Variants in CTIF observed in about 807,000 individuals in gnomAD.
CTIF encodes CBP80/20-dependent translation initiation factor.
In CTIF, 21 loss-of-function variants were observed where a neutral mutation model predicts 66.0. The observed-to-expected ratio is 0.32, with a 90% CI of 0.23 to 0.46. The LOEUF (loss-of-function observed/expected upper bound fraction) is 0.46, where lower values mean the gene tolerates loss of function less well. Ranked by LOEUF, CTIF falls within the 20% of genes least tolerant of loss-of-function variation. CTIF has a pLI of 1.00. For missense variants in CTIF, 739 were observed against 812.7 expected (o/e 0.91, Z 1.10); for synonymous variants, 345 against 326.4 (o/e 1.06, Z -0.62).
intron 9 of CTIF, among the ~76,000 whole-genome samples, chr18:48,772,412 C>A (rs1416942096): frequency 6.6e-6 from 1 of 150,574 alleles, no homozygotes; most frequent in Non-Finnish European, 1.5e-5. Flanking sequence ...TGCCCATGAC[C>A]ATCCCCCGGC....
rs530660392 is a variant in CTIF, at chr18:48,778,489, G to C, written c.1371+16800G>C. Among the ~76,000 whole-genome samples, 20 of 152,294 alleles carry C rather than the reference G, an allele frequency of 1.3e-4. No individual in the cohort carries two copies. In the East Asian group the frequency reaches 3.7e-3, roughly 28 times the overall value. Reference sequence around the variant, plus strand: ...GGTCCCTGGTCTATCTTCATCGATGGGACTCTCATCCGGGGTTTGTACCAG... The same window carrying C: ...GGTCCCTGGTCTATCTTCATCGATGCGACTCTCATCCGGGGTTTGTACCAG... On this transcript the variant is annotated intron_variant, in intron 9 of 11. Coordinates refer to ENST00000256413, the MANE Select transcript of CTIF (RefSeq NM_014772.3).
intron 2 of CTIF, among the ~76,000 whole-genome samples, chr18:48,632,662 G>A (rs1455482108): frequency 6.6e-6 from 1 of 152,110 alleles, no homozygotes; most frequent in Non-Finnish European, 1.5e-5. Context: ...GCCCTAAGCT[G>A]GCCACGTTCT....
At chr18:48,591,779 G>A (rs889700141) in intron 1 of CTIF, among the ~76,000 whole-genome samples, 3 of 152,054 alleles carry the variant, frequency 2.0e-5, no homozygotes, top group East Asian at 1.9e-4. Context: ...ACAGGGTCTC[G>A]CTCTGTGGCC....
At chr18:48,650,498 TTTGA>T (rs921039440) in intron 3 of CTIF, among the ~76,000 whole-genome samples, 53 of 152,184 alleles carry the variant, frequency 3.5e-4, no homozygotes, top group African/African-American at 1.3e-3. Context: ...CAAATCTATG[TTTGA>T]TTGGTGTACC....
intron 6 of CTIF, among the ~76,000 whole-genome samples, chr18:48,686,414 G>C (rs1052101330): frequency 4.6e-5 from 7 of 152,116 alleles, no homozygotes; most frequent in African/African-American, 1.7e-4. Flanking sequence ...GGCTTATCTG[G>C]TATTTTCTCT....
chr18:48,730,603 CTG>C lies in CTIF; in HGVS notation c.584+18909_584+18910del, dbSNP rs1568172012. 2.4e-3 allele frequency among the ~76,000 whole-genome samples: 191 copies of C among 80,498 alleles called. 14 individuals carry two copies. The highest frequency in any genetic ancestry group is 3.2e-3 in the Non-Finnish European group (121 of 37,502). The allele number at this position is 80,498 out of a possible 152,430, so 52.8% of individuals were successfully genotyped here. On this transcript the variant is annotated intron_variant, in intron 7 of 11. Coordinates refer to ENST00000256413, the MANE Select transcript of CTIF (RefSeq NM_014772.3). Reference sequence around the variant, plus strand: ...GGGGCCCCTGTGGTGTGAGGGGCTTCTGCTGTGTGAGGGGCTCCTGCGGTGTG... The same window carrying C: ...GGGGCCCCTGTGGTGTGAGGGGCTTCCTGTGTGAGGGGCTCCTGCGGTGTG...
chr18:48,664,359 C>G, intron 4 of CTIF, 88 bp from the exon 5 acceptor site: 1 of 1,193,454 alleles, frequency 8.4e-7, no homozygotes, highest in Non-Finnish European at 1.2e-6. Flanking sequence ...CGGATCTGCT[C>G]TGCCAGGTTC....
At chr18:48,680,702 T>C (rs1234937904) in intron 6 of CTIF, among the ~76,000 whole-genome samples, 1 of 152,260 alleles carries the variant, frequency 6.6e-6, no homozygotes, top group Non-Finnish European at 1.5e-5. Context: ...CCTTGATGAC[T>C]TGGGCCAGGC....
chr18:48,690,133 T>G (rs890341590), intron 6 of CTIF, among the ~76,000 whole-genome samples: 2 of 152,168 alleles, frequency 1.3e-5, no homozygotes, highest in African/African-American at 4.8e-5. Context: ...GTGTTTCTTA[T>G]AGGTGACACT....
intron 7 of CTIF, among the ~76,000 whole-genome samples, chr18:48,744,743 G>A (rs922037502): frequency 6.6e-5 from 10 of 152,110 alleles, no homozygotes; most frequent in Middle Eastern, 6.8e-3. Flanking sequence ...TTTCTCCAGC[G>A]ATCGATCCTA....
intron 7 of CTIF, among the ~76,000 whole-genome samples, chr18:48,737,121 A>G (rs2092510175): frequency 6.6e-6 from 1 of 152,068 alleles, no homozygotes; most frequent in African/African-American, 2.4e-5. Flanking sequence ...CTGTGTCTAC[A>G]TCCTTCCTCC....
intron 8 of CTIF, among the ~76,000 whole-genome samples, chr18:48,759,366 C>G (rs1196032669): frequency 6.6e-6 from 1 of 152,218 alleles, no homozygotes; most frequent in African/African-American, 2.4e-5. Context: ...CGACTCTCCT[C>G]AAGCTCTTGC....
intron 3 of CTIF, among the ~76,000 whole-genome samples, chr18:48,655,481 A>G (rs960066369): frequency 9.2e-5 from 14 of 152,244 alleles, no homozygotes; most frequent in South Asian, 4.2e-4. Context: ...AGAGAACCGT[A>G]TTAGGGTCGG....
intron 1 of CTIF, among the ~76,000 whole-genome samples, chr18:48,559,362 C>T (rs533850049): frequency 6.6e-6 from 1 of 152,068 alleles, no homozygotes; most frequent in African/African-American, 2.4e-5. Context: ...TACCACCCCC[C>T]CCAATCCTAA....
intron 1 of CTIF, among the ~76,000 whole-genome samples, chr18:48,617,255 T>C (rs563331332): frequency 7.9e-5 from 12 of 152,216 alleles, no homozygotes; most frequent in Non-Finnish European, 1.2e-4. Context: ...AACAGTGCAT[T>C]GAGTCTTTCT....
Position 48,758,047 on chromosome 18 carries a change from G to A in CTIF, c.713G>A (p.Arg238Lys). Residue 238 changes from arginine to lysine, a missense_variant, in exon 8 of 12, where the codon AGG becomes AAG. Arg to Lys is a conservative substitution (Grantham distance 26). Transcript: ENST00000256413. ...QGGSAPHPSGRPTHHGYSQNR... is the reference protein window; with the variant it reads ...QGGSAPHPSGKPTHHGYSQNR... ...GGCTCAGCACCCCACCCCTCAGGGA[G>A]GCCCACTCACCATGGCTACAGCCAG... 6.2e-7 allele frequency: 1 copy of A among 1,614,040 alleles called. No homozygotes were observed. The highest frequency in any genetic ancestry group is 8.5e-7 in the Non-Finnish European group (1 of 1,179,992).
At chr18:48,568,407 A>G (rs572179094) in intron 1 of CTIF, 1 of 152,210 alleles carries the variant, frequency 6.6e-6, no homozygotes, top group Admixed American at 6.5e-5. Context: ...CCCCCACCCA[A>G]GGTCACTTAG....
chr18:48,652,137 G>A (rs2091165930), intron 3 of CTIF, among the ~76,000 whole-genome samples: 1 of 152,288 alleles, frequency 6.6e-6, no homozygotes, highest in East Asian at 1.9e-4. Flanking sequence ...TAAGATCAGA[G>A]CAGAACTGAA....
intron 9 of CTIF, among the ~76,000 whole-genome samples, chr18:48,794,973 A>C (rs2067881103): frequency 6.6e-6 from 1 of 152,142 alleles, no homozygotes; most frequent in Admixed American, 6.5e-5. Flanking sequence ...TAGATGGATG[A>C]CTATAGACTC....
Sources: gnomAD v4.1 joint callset for allele counts (sites outside exome capture counted in the v4.1 genomes callset) on GRCh38, gnomAD v4.1.1 for gene constraint, MANE v1.5 for transcripts, NCBI Gene and HGNC (gene_info 2026-07-23, HGNC 2026-07-21) for gene names.